TMPRSS15: variants seen among roughly 807,000 people sequenced by gnomAD.
The protein encoded by TMPRSS15 is enteropeptidase.
TMPRSS15 carries 128 observed loss-of-function variants against 125.3 expected under a neutral mutation model. The ratio of observed to expected loss-of-function variants is 1.02; its 90% CI spans 0.89 to 1.18. The LOEUF (loss-of-function observed/expected upper bound fraction) is 1.18. Ranked by LOEUF, TMPRSS15 falls within the 50% of genes most tolerant of loss-of-function variation. The pLI, the probability that TMPRSS15 is intolerant of heterozygous loss-of-function variation, is 0.00. For missense variants in TMPRSS15, 1,283 were observed against 1,212.7 expected, an observed-to-expected ratio of 1.06 and a Z score of -0.86; for synonymous variants, 446 against 423.2, an observed-to-expected ratio of 1.05 and a Z score of -0.66.
rs765747998 is a variant in TMPRSS15 at position 18,413,306 on chromosome 21, CTTT to C, written c.11-14980_11-14978del. ...TTTCTTTCTTTCTTTTCTTTCTTTT[CTTT>C]CTTTTCCTTCCTTCCTTCCTTCCTT... On this transcript the variant is annotated intron_variant, in intron 1 of 7. Transcript: ENST00000422787. Among the ~76,000 whole-genome samples the C allele has an allele frequency of 2.4e-3, 173 of 70,874 alleles. 1 individual carries two copies. The highest frequency in any genetic ancestry group is 7.1e-3 in the African/African-American group (116 of 16,446). 46.5% of individuals were successfully genotyped at this position (70,874 alleles called of 152,430 possible). A position where few individuals can be genotyped will look rare whatever the true frequency, so the allele number is the denominator to read the frequency against.
chr21:18,466,244 C>T (rs1430624592), intron 1 of TMPRSS15, among the ~76,000 whole-genome samples: 2 of 152,080 alleles, frequency 1.3e-5, no homozygotes, highest in African/African-American at 4.8e-5. Context: ...TTCCTTACAC[C>T]TTATACAAAA....
intron 7 of TMPRSS15, among the ~76,000 whole-genome samples, chr21:18,363,427 T>C (rs1035347605): frequency 2.0e-5 from 3 of 152,146 alleles, no homozygotes. Context: ...TTATTGTGTG[T>C]TCTGCTCATA....
intron 11 of TMPRSS15, 124 bp from the exon 12 acceptor site, chr21:18,343,780 G>T (rs557397333): frequency 2.4e-6 from 3 of 1,245,662 alleles, no homozygotes. Context: ...TTTTGGAGTT[G>T]CTGGGGATGG....
intron 4 of TMPRSS15, among the ~76,000 whole-genome samples, chr21:18,382,153 T>G (rs1205838158): frequency 3.9e-5 from 6 of 152,142 alleles, no homozygotes; most frequent in Non-Finnish European, 5.9e-5. Flanking sequence ...TAAATGACTG[T>G]GTGAAAAAGG....
rs564252813 is a variant in TMPRSS15 at position 18,417,747 on chromosome 21, A to G, written c.11-19418T>C. On this transcript the variant is annotated intron_variant, in intron 1 of 7. Transcript: ENST00000422787. ...GATTGCCAAGAGCTAATCTTGCTCA[A>G]TGTGAATCGATCCATATTAAGAAAA... is the stretch of plus-strand genomic sequence containing the variant. Among the ~76,000 whole-genome samples, 90 of 152,324 alleles carry G rather than the reference A, an allele frequency of 5.9e-4. 1 individual carries two copies. The highest frequency in any genetic ancestry group is 2.0e-3 in the African/African-American group (84 of 41,576).
chr21:18,389,686 T>C (rs1052435019), intron 3 of TMPRSS15, among the ~76,000 whole-genome samples: 2 of 152,282 alleles, frequency 1.3e-5, no homozygotes, highest in African/African-American at 4.8e-5. Flanking sequence ...GAGGTTTCTT[T>C]TGACCATTAA....
intron 1 of TMPRSS15, among the ~76,000 whole-genome samples, chr21:18,425,727 T>C (rs1776764248): frequency 6.6e-6 from 1 of 152,148 alleles, no homozygotes; most frequent in African/African-American, 2.4e-5. Context: ...TGGAAAATTC[T>C]TTTGCCTCAT....
intron 8 of TMPRSS15, among the ~76,000 whole-genome samples, chr21:18,358,556 A>G (rs1405645924): frequency 6.6e-6 from 1 of 151,874 alleles, no homozygotes; most frequent in Non-Finnish European, 1.5e-5. Context: ...GTGACTTACC[A>G]TGAGTTCACA....
chr21:18,273,168 T>A lies in TMPRSS15; in HGVS notation c.2904+2029A>T, dbSNP rs151049185. ...ACTAAATTTTAGGTAGAGAAGATATTCTTCAGCCATTGGTGTTGCCTTGAA... is the reference window on the plus strand; with the variant it reads ...ACTAAATTTTAGGTAGAGAAGATATACTTCAGCCATTGGTGTTGCCTTGAA... On this transcript the variant is annotated intron_variant, in intron 24 of 24. Transcript: ENST00000284885. Among the ~76,000 whole-genome samples, 10 of 152,334 alleles carry A rather than the reference T, an allele frequency of 6.6e-5. No individual in the cohort carries two copies. The East Asian group carries it at 1.9e-3, about 29-fold the overall frequency.
intron 24 of TMPRSS15, among the ~76,000 whole-genome samples, chr21:18,272,833 G>A (rs2074575595): frequency 6.6e-6 from 1 of 152,140 alleles, no homozygotes; most frequent in Non-Finnish European, 1.5e-5. Flanking sequence ...TATGTTTCTA[G>A]TGAGATGCTA....
At chr21:18,350,270 G>A (rs1210945489) in intron 10 of TMPRSS15, among the ~76,000 whole-genome samples, 1 of 152,132 alleles carries the variant, frequency 6.6e-6, no homozygotes, top group Non-Finnish European at 1.5e-5. Context: ...GAGTATTCAT[G>A]TCATCATTTT....
intron 2 of TMPRSS15, 110 bp downstream of exon 2, chr21:18,398,089 T>C: frequency 1.7e-5 from 23 of 1,371,504 alleles, no homozygotes; most frequent in Non-Finnish European, 2.3e-5. Flanking sequence ...CATTTGAGTA[T>C]CTTGGGCATA....
intron 1 of TMPRSS15, among the ~76,000 whole-genome samples, chr21:18,422,538 G>T (rs2076194511): frequency 6.6e-6 from 1 of 152,186 alleles, no homozygotes; most frequent in Non-Finnish European, 1.5e-5. Context: ...TGTACTATGT[G>T]TAATTCTAGG....
intron 1 of TMPRSS15, among the ~76,000 whole-genome samples, chr21:18,431,398 A>T (rs547306142): frequency 6.6e-6 from 1 of 152,224 alleles, no homozygotes; most frequent in Admixed American, 6.5e-5. Flanking sequence ...TCATGGCCCT[A>T]TCCCTTGATT....
intron 12 of TMPRSS15, 62 bp downstream of exon 12, chr21:18,343,444 C>T: frequency 7.0e-7 from 1 of 1,430,748 alleles, no homozygotes; most frequent in Non-Finnish European, 9.7e-7. Context: ...CTGTATCATT[C>T]TAAATATAAT....
intron 1 of TMPRSS15, among the ~76,000 whole-genome samples, chr21:18,455,885 T>C (rs1978432791): frequency 6.6e-6 from 1 of 152,172 alleles, no homozygotes; most frequent in African/African-American, 2.4e-5. Flanking sequence ...AAAATGTCCC[T>C]CCTTGCATAG....
rs534277501 is a variant in TMPRSS15 at position 18,386,008 on chromosome 21, G to A, written c.345-2230C>T. Among the ~76,000 whole-genome samples the A allele has an allele frequency of 2.4e-4, 36 of 152,220 alleles. No individual in the cohort carries two copies. The South Asian group carries it at 7.0e-3, about 30-fold the overall frequency. ...TCCTCCTGCCTTGGCCTCCCAAAGT[G>A]CTGGGATTACAGGCATGAGCCACCA... On this transcript the variant is annotated intron_variant, in intron 3 of 24. Transcript: ENST00000284885.
Position 18,305,183 on chromosome 21 carries a change from C to CTTTTTTTTTTTTTTTT in TMPRSS15, c.2166-7370_2166-7355dup, listed in dbSNP as rs59103494. Among the ~76,000 whole-genome samples the CTTTTTTTTTTTTTTTT allele has an allele frequency of 1.6e-4, 14 of 86,052 alleles. 1 individual carries two copies. Among genetic ancestry groups the CTTTTTTTTTTTTTTTT allele is most frequent in the African/African-American group, 4.9e-4 (11 of 22,582 alleles). The allele number at this position is 86,052 out of a possible 152,430, so 56.5% of individuals were successfully genotyped here. On this transcript the variant is annotated intron_variant, in intron 18 of 24. Transcript: ENST00000284885. ...GGATTCCAGGATTTGAATTTCCGTACTTTTTTTTTTTTTTTTTTTTTTTGA... is the reference window on the plus strand; with the variant it reads ...GGATTCCAGGATTTGAATTTCCGTACTTTTTTTTTTTTTTTTTTTTTTTTTTTTTTTTTTTTTTTGA...
intron 1 of TMPRSS15, among the ~76,000 whole-genome samples, chr21:18,453,724 A>T (rs1978384748): frequency 6.6e-6 from 1 of 152,240 alleles, no homozygotes; most frequent in Non-Finnish European, 1.5e-5. Flanking sequence ...AACATTATTC[A>T]CAATGGCTAA....
Sources: gnomAD v4.1 joint callset for allele counts (sites outside exome capture counted in the v4.1 genomes callset) on GRCh38, gnomAD v4.1.1 for gene constraint, MANE v1.5 for transcripts, NCBI Gene and HGNC (gene_info 2026-07-23, HGNC 2026-07-21) for gene names.